The following SEM1 variants were observed in gnomAD, a reference collection of about 807,000 sequenced individuals.
The protein encoded by SEM1 is SEM1 26S proteasome subunit, also known as 26S proteasome complex subunit SEM1.
SEM1 carries 3 observed loss-of-function variants against 12.7 expected under a neutral mutation model. The observed-to-expected ratio is 0.24, with a 90% CI of 0.11 to 0.61. The LOEUF (loss-of-function observed/expected upper bound fraction) is 0.61. Ranked by LOEUF, SEM1 falls within the 20% of genes least tolerant of loss-of-function variation. SEM1 has a pLI of 0.88. For missense variants in SEM1, 59 were observed against 81.3 expected (o/e 0.73, Z 1.06); for synonymous variants, 30 against 27.8 (o/e 1.08, Z -0.25).
chr7:96,568,862 C>A (rs1805932389), intron 2 of SEM1, among the ~76,000 whole-genome samples: 1 of 151,690 alleles, frequency 6.6e-6, no homozygotes, highest in African/African-American at 2.4e-5. Context: ...TTAAGAAGTT[C>A]TATGTGTATT....
chr7:96,504,570 A>G (rs1803685978), intron 3 of SEM1, among the ~76,000 whole-genome samples: 1 of 152,082 alleles, frequency 6.6e-6, no homozygotes, highest in African/African-American at 2.4e-5. Flanking sequence ...TTTCCTTATT[A>G]TCTTGAATCA....
At chr7:96,708,556 T>C (rs1163998817) in intron 1 of SEM1, among the ~76,000 whole-genome samples, 1 of 152,210 alleles carries the variant, frequency 6.6e-6, no homozygotes, top group Non-Finnish European at 1.5e-5. Context: ...TCTCCTTTTC[T>C]TATAAGGTAA....
At chr7:96,650,994 T>C (rs913397747) in intron 2 of SEM1, among the ~76,000 whole-genome samples, 1 of 152,118 alleles carries the variant, frequency 6.6e-6, no homozygotes, top group Non-Finnish European at 1.5e-5. Context: ...CAGTTACTCA[T>C]GGAGAAAAAT....
chr7:96,640,889 C>CTAATA lies in SEM1; in HGVS notation c.171-18247_171-18246insTATTA, dbSNP rs1808569094. Among the ~76,000 whole-genome samples the CTAATA allele has an allele frequency of 6.6e-6, 1 of 151,924 alleles. No homozygotes were observed. The highest frequency in any genetic ancestry group is 1.5e-5 in the Non-Finnish European group (1 of 67,938). ...TTTCAGTTTTGCTGTTAACCTAACA[C>CTAATA]TGCTCTAAAAAATATGGTTTCTTTA... On this transcript the variant is annotated intron_variant, in intron 2 of 2. Coordinates refer to the SEM1 transcript ENST00000417009. This position sits in a 1 kb window ranked among gnomAD's most constrained non-coding sequence, Gnocchi z 4.0.
At chr7:96,614,046 C>A (rs1807629009) in intron 2 of SEM1, among the ~76,000 whole-genome samples, 1 of 152,146 alleles carries the variant, frequency 6.6e-6, no homozygotes, top group African/African-American at 2.4e-5. Flanking sequence ...AATTTCAATT[C>A]CTTTGGATAT....
intron 2 of SEM1, among the ~76,000 whole-genome samples, chr7:96,535,236 A>C (rs999980313): frequency 6.6e-6 from 1 of 151,950 alleles, no homozygotes; most frequent in Non-Finnish European, 1.5e-5. Context: ...AAATAAACTA[A>C]GAACACCTGT....
At chr7:96,552,640 G>T (rs954649285) in intron 2 of SEM1, among the ~76,000 whole-genome samples, 1 of 147,538 alleles carries the variant, frequency 6.8e-6, no homozygotes, top group African/African-American at 2.5e-5. Context: ...GAATAATGCC[G>T]CAATAAACAT....
exon 3 of SEM1, chr7:96,673,787 T>G: frequency 1.3e-6 from 1 of 765,262 alleles, no homozygotes; most frequent in Non-Finnish European, 2.4e-6. Context: ...CACTGCACAT[T>G]CTTCCCTTTT....
rs1483845912 is a variant in SEM1, at chr7:96,691,371, T to C, written c.171-2405A>G. ...ATGTTAAATCACTTAAACGTTATAA[T>C]AACTCTAGCAGTAAAGCACTAATTA... On this transcript the variant is annotated intron_variant, in intron 2 of 2. Transcript: ENST00000248566. Among the ~76,000 whole-genome samples the C allele has an allele frequency of 2.0e-5, 3 of 152,322 alleles. No individual in the cohort carries two copies. In the East Asian group the frequency reaches 5.8e-4, roughly 29 times the overall value.
intron 2 of SEM1, among the ~76,000 whole-genome samples, chr7:96,568,695 A>G (rs1237047101): frequency 6.6e-6 from 1 of 151,828 alleles, no homozygotes; most frequent in Non-Finnish European, 1.5e-5. Context: ...AGTGTTGTAA[A>G]AGAGATTAAA....
At position 96,522,394 on chromosome 7, in the gene SEM1, G is replaced by T. The variant is rs1584734188; in HGVS notation, c.171-15696C>A. Among the ~76,000 whole-genome samples the T allele has an allele frequency of 3.3e-5, 5 of 152,120 alleles. No homozygotes were observed. The South Asian group carries it at 1.0e-3, about 32-fold the overall frequency. On this transcript the variant is annotated intron_variant and NMD_transcript_variant, in intron 2 of 3. Transcript: ENST00000466986. ...AGTTTGTGTCCTAAACTTTTAGTTT[G>T]CTCTAACAATGATTGCCCAAGTCAA...
chr7:96,626,083 CTGTTA>C (rs530087972), intron 2 of SEM1, among the ~76,000 whole-genome samples: 134 of 152,216 alleles, frequency 8.8e-4, no homozygotes, highest in Non-Finnish European at 1.4e-3. Context: ...TATAGTCACC[CTGTTA>C]TGTTATCAAA....
At chr7:96,507,930 C>T (rs909163578) in intron 2 of SEM1, among the ~76,000 whole-genome samples, 1 of 152,138 alleles carries the variant, frequency 6.6e-6, no homozygotes, top group Non-Finnish European at 1.5e-5. Context: ...TCCAATCCCA[C>T]AGATCCCTGG....
At chr7:96,553,294 C>T (rs1260363882) in intron 2 of SEM1, among the ~76,000 whole-genome samples, 7 of 151,474 alleles carry the variant, frequency 4.6e-5, no homozygotes, top group Admixed American at 2.6e-4. Flanking sequence ...AATGGTAATG[C>T]GTAGGTTTTC....
chr7:96,648,681 G>A (rs1808876470), intron 2 of SEM1, among the ~76,000 whole-genome samples: 1 of 152,116 alleles, frequency 6.6e-6, no homozygotes, highest in Non-Finnish European at 1.5e-5. Context: ...CCAACCTCTG[G>A]GTATAGGTTG....
chr7:96,541,455 T>G (rs1028215550), intron 2 of SEM1, among the ~76,000 whole-genome samples: 64 of 149,756 alleles, frequency 4.3e-4, no homozygotes, highest in African/African-American at 1.5e-3. Flanking sequence ...TTTTTTTTTT[T>G]TTTTGCTGAA....
chr7:96,528,838 C>T (rs1449648967), intron 2 of SEM1, among the ~76,000 whole-genome samples: 1 of 152,066 alleles, frequency 6.6e-6, no homozygotes, highest in African/African-American at 2.4e-5. Flanking sequence ...TCATCCTATA[C>T]CCACCAGCAG....
chr7:96,526,851 C>T (rs1804480683), intron 2 of SEM1, among the ~76,000 whole-genome samples: 1 of 151,926 alleles, frequency 6.6e-6, no homozygotes, highest in Admixed American at 6.6e-5. Context: ...TGACAGTCGT[C>T]CTCCTCCTCC....
chr7:96,553,352 A>G (rs1189498431), intron 2 of SEM1, among the ~76,000 whole-genome samples: 3 of 151,226 alleles, frequency 2.0e-5, no homozygotes, highest in African/African-American at 7.3e-5. Flanking sequence ...TCTTTAATCC[A>G]TCTTGAATTG....
Sources: gnomAD v4.1 joint callset for allele counts (sites outside exome capture counted in the v4.1 genomes callset) on GRCh38, gnomAD v4.1.1 for gene constraint, Gnocchi (gnomAD v3.1) non-coding constraint, MANE v1.5 for transcripts, NCBI Gene and HGNC (gene_info 2026-07-23, HGNC 2026-07-21) for gene names.